FRMD4B: variants seen among roughly 807,000 people sequenced by gnomAD.
FRMD4B encodes FERM domain-containing protein 4B.
A neutral mutation model predicts 141.5 loss-of-function variants in FRMD4B; 74 were observed. That is an observed-to-expected ratio of 0.52 (90% CI 0.43 to 0.63). The LOEUF (loss-of-function observed/expected upper bound fraction) is 0.63. Ranked by LOEUF, FRMD4B falls within the 30% of genes least tolerant of loss-of-function variation. The probability of loss-of-function intolerance (pLI) is 0.00; values close to 1 mark genes in which losing one functional copy is unlikely to be tolerated. For missense variants in FRMD4B, 1,366 were observed against 1,253.4 expected (o/e 1.09, Z -1.36); for synonymous variants, 506 against 467.9 (o/e 1.08, Z -1.05).
intron 1 of FRMD4B, among the ~76,000 whole-genome samples, chr3:69,362,726 A>C (rs1703507344): frequency 6.7e-6 from 1 of 149,490 alleles, no homozygotes; most frequent in South Asian, 2.2e-4. Context: ...AACAAACAAA[A>C]AACAAAAACA....
chr3:69,243,252 T>A (rs2093400131), intron 7 of FRMD4B, among the ~76,000 whole-genome samples: 1 of 152,122 alleles, frequency 6.6e-6, no homozygotes, highest in African/African-American at 2.4e-5. Flanking sequence ...CTGGTTATGA[T>A]AATGTTAACT....
chr3:69,297,813 A>G (rs1701080986), intron 4 of FRMD4B, among the ~76,000 whole-genome samples: 2 of 152,210 alleles, frequency 1.3e-5, no homozygotes, highest in African/African-American at 4.8e-5. Context: ...TCCCATGGAA[A>G]TAGAGAACTG....
Position 69,236,361 on chromosome 3 carries a change from T to C in FRMD4B, c.582-11671A>G, listed in dbSNP as rs1425834445. On this transcript the variant is annotated intron_variant, in intron 7 of 22. Transcript: ENST00000398540. ...CTCCTGCCTCAGCCTCCTGAGTAGC[T>C]GGGACTATAGGCACCTGCCACGATG... 4.6e-5 allele frequency among the ~76,000 whole-genome samples: 7 copies of C among 152,094 alleles called. No homozygotes were observed. The East Asian group carries it at 1.4e-3, about 30-fold the overall frequency.
intron 1 of FRMD4B, among the ~76,000 whole-genome samples, chr3:69,528,272 ACCTTCCTTCCTT>A (rs766982366): frequency 2.0e-3 from 235 of 118,594 alleles, no homozygotes; most frequent in Admixed American, 8.5e-3. Context: ...CTTCCTTCCT[ACCTTCCTTCCTT>A]CCTTTTCTTC....
chr3:69,326,344 T>C (rs1232794108), intron 1 of FRMD4B, among the ~76,000 whole-genome samples: 1 of 152,074 alleles, frequency 6.6e-6, no homozygotes, highest in Admixed American at 6.6e-5. Context: ...AAAAACCTAA[T>C]AGCTGGGGAT....
chr3:69,324,028 G>C (rs1702102343), intron 1 of FRMD4B, among the ~76,000 whole-genome samples: 1 of 152,164 alleles, frequency 6.6e-6, no homozygotes, highest in African/African-American at 2.4e-5. Flanking sequence ...GCCAGAAGAA[G>C]AGAAAGGTTT....
chr3:69,297,339 G>C lies in FRMD4B; in HGVS notation c.416+5004C>G, dbSNP rs116421747. 2.7e-3 allele frequency among the ~76,000 whole-genome samples: 416 copies of C among 152,200 alleles called. 1 individual carries two copies. Among genetic ancestry groups the C allele is most frequent in the African/African-American group, 9.5e-3 (396 of 41,534 alleles). On this transcript the variant is annotated intron_variant, in intron 4 of 22. Transcript: ENST00000398540. The stretch of plus-strand genomic sequence containing the variant: ...TGCCTCCGGGTTTCCTACTACAGTA[G>C]GAAAGTGAGTTCTTCTCAGCCCTGA...
At chr3:69,446,709 T>C (rs1705416033) in intron 1 of FRMD4B, among the ~76,000 whole-genome samples, 1 of 152,188 alleles carries the variant, frequency 6.6e-6, no homozygotes, top group South Asian at 2.1e-4. Flanking sequence ...ATTTGTTGCT[T>C]GGAAGACAAG....
chr3:69,314,371 T>C (rs1481522580), intron 1 of FRMD4B, among the ~76,000 whole-genome samples: 1 of 150,132 alleles, frequency 6.7e-6, no homozygotes, highest in Non-Finnish European at 1.5e-5. Flanking sequence ...CTACTAAAAC[T>C]ACAAAAAATA....
intron 18 of FRMD4B, among the ~76,000 whole-genome samples, chr3:69,189,055 C>G (rs1255345889): frequency 2.0e-5 from 3 of 151,534 alleles, no homozygotes; most frequent in Non-Finnish European, 4.4e-5. Flanking sequence ...AACCCTGTCT[C>G]TACTAAAAAT....
chr3:69,325,006 G>A (rs1478407373), intron 1 of FRMD4B, among the ~76,000 whole-genome samples: 1 of 151,022 alleles, frequency 6.6e-6, no homozygotes, highest in Admixed American at 6.6e-5. Flanking sequence ...TTGAGCCCAG[G>A]TGTTTCGAGT....
intron 1 of FRMD4B, 85 bp downstream of exon 1, chr3:69,385,743 G>A (rs1429985831): frequency 2.5e-6 from 3 of 1,181,792 alleles, no homozygotes; most frequent in Non-Finnish European, 3.4e-6. Context: ...GAGCTGGGGG[G>A]AATAAAATCA....
chr3:69,540,634 A>ATATATAT (rs1252554981), intron 1 of FRMD4B, among the ~76,000 whole-genome samples: 16 of 69,620 alleles, frequency 2.3e-4, no homozygotes, highest in Non-Finnish European at 3.9e-4. Flanking sequence ...AAAAAAAAAA[A>ATATATAT]AAATATATAT....
intron 8 of FRMD4B, among the ~76,000 whole-genome samples, chr3:69,223,161 G>A (rs1387648324): frequency 6.6e-6 from 1 of 152,148 alleles, no homozygotes; most frequent in Non-Finnish European, 1.5e-5. Context: ...TAACCTAGAA[G>A]ATGAAGTATT....
At chr3:69,340,500 G>T (rs1216930265) in intron 1 of FRMD4B, among the ~76,000 whole-genome samples, 1 of 152,176 alleles carries the variant, frequency 6.6e-6, no homozygotes, top group Admixed American at 6.6e-5. Context: ...TGTTCTAAAA[G>T]TCATGTTTTC....
chr3:69,507,878 T>A (rs1292083765), intron 1 of FRMD4B, among the ~76,000 whole-genome samples: 2 of 152,152 alleles, frequency 1.3e-5, no homozygotes, highest in Non-Finnish European at 2.9e-5. Flanking sequence ...TAAGAAAAAT[T>A]AAGGTTTTTA....
At chr3:69,240,900 G>A (rs147181629) in intron 7 of FRMD4B, among the ~76,000 whole-genome samples, 2 of 152,306 alleles carry the variant, frequency 1.3e-5, no homozygotes, top group East Asian at 3.9e-4. Context: ...TTTGAGAAGT[G>A]GAAGTAGTTC....
intron 1 of FRMD4B, among the ~76,000 whole-genome samples, chr3:69,501,032 C>A (rs537734248): frequency 6.6e-6 from 1 of 152,148 alleles, no homozygotes; most frequent in South Asian, 2.1e-4. Context: ...TAGTTTAAGA[C>A]ACAATTATAT....
chr3:69,235,426 G>A (rs999502404), intron 7 of FRMD4B, among the ~76,000 whole-genome samples: 3 of 151,914 alleles, frequency 2.0e-5, no homozygotes, highest in Non-Finnish European at 4.4e-5. Context: ...TTGGGAGGCA[G>A]AGGTGGGTGG....
Sources: gnomAD v4.1 joint callset for allele counts (sites outside exome capture counted in the v4.1 genomes callset) on GRCh38, gnomAD v4.1.1 for gene constraint, MANE v1.5 for transcripts, NCBI Gene and HGNC (gene_info 2026-07-23, HGNC 2026-07-21) for gene names.